Variants in NRXN3 observed in about 807,000 individuals in gnomAD.
The protein encoded by NRXN3 is neurexin III.
In NRXN3, 32 loss-of-function variants were observed where a neutral mutation model predicts 137.6. The ratio of observed to expected loss-of-function variants is 0.23; its 90% CI spans 0.18 to 0.31. NRXN3 has a LOEUF of 0.31. NRXN3 is among the 10% of genes least tolerant of loss of function. The pLI is 1.00. For synonymous variants in NRXN3, 798 were observed against 784.5 expected, an observed-to-expected ratio of 1.02 and a Z score of -0.29; for missense variants, 1,574 against 2,062.5, an observed-to-expected ratio of 0.76 and a Z score of 4.59.
chr14:78,619,296 A>G (rs897060853), intron 4 of NRXN3, among the ~76,000 whole-genome samples: 1 of 152,138 alleles, frequency 6.6e-6, no homozygotes, highest in Non-Finnish European at 1.5e-5. Context: ...TCTTGCTGCT[A>G]TAGACTGAAT....
chr14:79,832,089 T>A (rs1415832617), intron 20 of NRXN3, among the ~76,000 whole-genome samples: 1 of 152,200 alleles, frequency 6.6e-6, no homozygotes, highest in Non-Finnish European at 1.5e-5. Flanking sequence ...CTTACACACA[T>A]ACTTCTATAT....
intron 4 of NRXN3, among the ~76,000 whole-genome samples, chr14:78,325,739 A>G (rs886177173): frequency 1.3e-5 from 2 of 151,954 alleles, no homozygotes; most frequent in Non-Finnish European, 2.9e-5. Flanking sequence ...ACCTTGAATG[A>G]GTTGTTTCAT....
chr14:79,655,913 T>C (rs931143851), intron 16 of NRXN3, among the ~76,000 whole-genome samples: 1 of 152,146 alleles, frequency 6.6e-6, no homozygotes, highest in Non-Finnish European at 1.5e-5. Context: ...CTTAAGTTCT[T>C]GTGAAAATAC....
intron 10 of NRXN3, among the ~76,000 whole-genome samples, chr14:78,917,225 G>A (rs533935514): frequency 6.6e-6 from 1 of 152,264 alleles, no homozygotes; most frequent in East Asian, 1.9e-4. Context: ...AAGGTATACT[G>A]TTTCCAGGTA....
At chr14:79,317,386 T>C (rs1349597744) in intron 15 of NRXN3, among the ~76,000 whole-genome samples, 1 of 152,190 alleles carries the variant, frequency 6.6e-6, no homozygotes, top group Non-Finnish European at 1.5e-5. Context: ...GGCCTTGTTG[T>C]CACATGGCAT....
chr14:78,614,788 C>T, intron 4 of NRXN3: 1 of 338,550 alleles, frequency 3.0e-6, no homozygotes, highest in Non-Finnish European at 5.9e-6. Flanking sequence ...TCAATTGTGC[C>T]CAAGGCACTC....
intron 4 of NRXN3, among the ~76,000 whole-genome samples, chr14:78,546,266 A>T (rs1257102759): frequency 6.6e-6 from 1 of 152,218 alleles, no homozygotes; most frequent in Admixed American, 6.5e-5. Flanking sequence ...TGAGAAGTGT[A>T]AAGTGATATT....
At chr14:79,469,556 A>G (rs1209924562) in intron 16 of NRXN3, among the ~76,000 whole-genome samples, 1 of 152,168 alleles carries the variant, frequency 6.6e-6, no homozygotes, top group African/African-American at 2.4e-5. Context: ...TGTATGAGCA[A>G]AATTACCAGA....
At chr14:79,018,051 G>T (rs8017027) in intron 15 of NRXN3, among the ~76,000 whole-genome samples, 48,864 of 151,462 alleles carry the variant, frequency 0.32, 8,458 homozygotes, top group Admixed American at 0.46. Context: ...CCTGAGGTCA[G>T]GAGTTCAAGA....
chr14:79,391,284 T>C (rs1056524183), intron 15 of NRXN3, among the ~76,000 whole-genome samples: 6 of 152,214 alleles, frequency 3.9e-5, no homozygotes, highest in African/African-American at 1.2e-4. Flanking sequence ...AGGATTCATT[T>C]TGAGAGGCAG....
intron 10 of NRXN3, among the ~76,000 whole-genome samples, chr14:78,846,639 C>T (rs2099027920): frequency 6.6e-6 from 1 of 152,048 alleles, no homozygotes; most frequent in South Asian, 2.1e-4. Flanking sequence ...TCATTGAACA[C>T]AAGTGTTGAG....
At chr14:79,720,629 T>C (rs1370414175) in intron 19 of NRXN3, among the ~76,000 whole-genome samples, 2 of 152,146 alleles carry the variant, frequency 1.3e-5, no homozygotes, top group Non-Finnish European at 2.9e-5. Flanking sequence ...ACTAGGTTTC[T>C]ATTCATTTCC....
At chr14:79,622,896 TATTA>T (rs1242659229) in intron 16 of NRXN3, among the ~76,000 whole-genome samples, 1 of 152,206 alleles carries the variant, frequency 6.6e-6, no homozygotes, top group Non-Finnish European at 1.5e-5. Context: ...GCACCCGGCC[TATTA>T]CTTAGTTTAT....
chr14:79,773,582 A>G (rs2099086618), intron 19 of NRXN3, among the ~76,000 whole-genome samples: 1 of 139,840 alleles, frequency 7.2e-6, no homozygotes, highest in African/African-American at 2.7e-5. Flanking sequence ...GAACAATGAG[A>G]ACACATGGAC....
chr14:78,246,225 A>T (rs2067650488), intron 2 of NRXN3, among the ~76,000 whole-genome samples: 1 of 152,096 alleles, frequency 6.6e-6, no homozygotes, highest in Non-Finnish European at 1.5e-5. Flanking sequence ...AGGAAAAAAA[A>T]TCTCTATACT....
chr14:78,792,280 A>C (rs920152808), intron 8 of NRXN3, among the ~76,000 whole-genome samples: 1 of 110,092 alleles, frequency 9.1e-6, no homozygotes, highest in Non-Finnish European at 2.1e-5. Context: ...AAAAAAAAAA[A>C]AAAGGAAAGC....
At chr14:79,099,827 T>C (rs2050953328) in intron 15 of NRXN3, among the ~76,000 whole-genome samples, 1 of 152,218 alleles carries the variant, frequency 6.6e-6, no homozygotes, top group Non-Finnish European at 1.5e-5. Flanking sequence ...TCATTTTGTT[T>C]TACACAATGC....
chr14:79,587,617 G>C (rs1022674542), intron 16 of NRXN3, among the ~76,000 whole-genome samples: 1 of 152,240 alleles, frequency 6.6e-6, no homozygotes, highest in Non-Finnish European at 1.5e-5. Flanking sequence ...AGAGGGAGGA[G>C]AGAGAAATCT....
At chr14:78,686,870 T>C (rs1170598531) in intron 6 of NRXN3, among the ~76,000 whole-genome samples, 1 of 152,138 alleles carries the variant, frequency 6.6e-6, no homozygotes, top group Non-Finnish European at 1.5e-5. Flanking sequence ...AGCCTAAGCA[T>C]ACAGCAATGA....
Sources: allele counts gnomAD v4.1 joint callset (sites outside exome capture counted in the v4.1 genomes callset), GRCh38; gene constraint gnomAD v4.1.1; transcripts MANE v1.5; gene names NCBI Gene and HGNC (gene_info 2026-07-23, HGNC 2026-07-21).